The following ST8SIA1 variants were observed in gnomAD, a reference collection of about 807,000 sequenced individuals.
ST8SIA1 encodes the protein alpha-N-acetylneuraminide alpha-2,8-sialyltransferase.
Under a neutral mutation model 35.9 loss-of-function variants are expected in ST8SIA1, and 16 were observed. The observed-to-expected ratio is 0.45, with a 90% CI of 0.30 to 0.68. The LOEUF is 0.68. Among genes scored for constraint, ST8SIA1 ranks in the 30% least tolerant of loss-of-function variants. ST8SIA1 has a pLI of 0.09. For synonymous variants in ST8SIA1, 170 were observed against 169.6 expected (o/e 1.00, Z -0.02); for missense variants, 383 against 453.6 (o/e 0.84, Z 1.41).
chr12:22,327,372 T>C (rs1866695071), intron 1 of ST8SIA1, among the ~76,000 whole-genome samples: 1 of 152,206 alleles, frequency 6.6e-6, no homozygotes, highest in Non-Finnish European at 1.5e-5. Context: ...CCTTCCACAA[T>C]GTCTCCCTCA....
At chr12:22,202,708 G>C (rs1203372137) in intron 4 of ST8SIA1, among the ~76,000 whole-genome samples, 1 of 152,166 alleles carries the variant, frequency 6.6e-6, no homozygotes, top group African/African-American at 2.4e-5. Flanking sequence ...TAAATACAAT[G>C]TTGATACTTG....
At chr12:22,289,562 A>T (rs931669290) in intron 1 of ST8SIA1, among the ~76,000 whole-genome samples, 1 of 152,252 alleles carries the variant, frequency 6.6e-6, no homozygotes, top group Non-Finnish European at 1.5e-5. Context: ...TTCTCACAGT[A>T]ACCCATGAGC....
At chr12:22,272,561 C>T (rs2135807069) in intron 2 of ST8SIA1, among the ~76,000 whole-genome samples, 1 of 152,370 alleles carries the variant, frequency 6.6e-6, no homozygotes, top group South Asian at 2.1e-4. Context: ...AAGTATTTTC[C>T]TCCAGCAGCT....
chr12:22,299,763 T>C (rs1208531984), intron 1 of ST8SIA1, among the ~76,000 whole-genome samples: 1 of 152,144 alleles, frequency 6.6e-6, no homozygotes, highest in African/African-American at 2.4e-5. Context: ...TCAACTTTTA[T>C]TGCATCTGGC....
chr12:22,253,421 T>C (rs1008209339), intron 3 of ST8SIA1, among the ~76,000 whole-genome samples: 18 of 152,300 alleles, frequency 1.2e-4, no homozygotes, highest in African/African-American at 4.1e-4. Context: ...CCACTGTTCA[T>C]GACACTGCAA....
intron 2 of ST8SIA1, among the ~76,000 whole-genome samples, chr12:22,271,267 C>T (rs1029047371): frequency 3.3e-5 from 5 of 152,238 alleles, no homozygotes; most frequent in Admixed American, 1.3e-4. Context: ...ACAGGAAGCA[C>T]TGGCAACAGA....
In ST8SIA1 at chr12:22,199,186, T is replaced by C. The variant is rs1356662831; in HGVS notation, c.*2366A>G. On this transcript the variant is annotated 3_prime_UTR_variant, in exon 5 of 5. Coordinates refer to ENST00000396037, the MANE Select transcript of ST8SIA1 (RefSeq NM_003034.4). ...TTTTTTTTTTTTTGAGACAGGGTCT[T>C]GCCCTGTCACCCAGGCTGGAGTGCA... The C allele has an allele frequency of 3.3e-5, 5 of 149,358 alleles. No homozygotes were observed. Among genetic ancestry groups the C allele is most frequent in the African/African-American group, 1.2e-4 (5 of 40,878 alleles). The allele number at this position is 149,358 out of a possible 1,614,324, so 9.3% of individuals were successfully genotyped here.
At chr12:22,205,906 G>A (rs1172726004) in intron 4 of ST8SIA1, among the ~76,000 whole-genome samples, 2 of 152,030 alleles carry the variant, frequency 1.3e-5, no homozygotes, top group Admixed American at 1.3e-4. Flanking sequence ...AGTAAAAAGG[G>A]AATTACTCTG....
At chr12:22,219,306 T>C (rs552355598) in intron 4 of ST8SIA1, among the ~76,000 whole-genome samples, 2 of 152,226 alleles carry the variant, frequency 1.3e-5, no homozygotes, top group Admixed American at 1.3e-4. Context: ...ATAATCTCTT[T>C]GATTATCCTT....
chr12:22,228,775 G>A (rs1385819737), intron 4 of ST8SIA1, among the ~76,000 whole-genome samples: 1 of 152,116 alleles, frequency 6.6e-6, no homozygotes, highest in Non-Finnish European at 1.5e-5. Flanking sequence ...ATTAGTGGGG[G>A]CTGGGCAAGG....
chr12:22,250,450 A>G (rs2120754023), intron 3 of ST8SIA1, among the ~76,000 whole-genome samples: 1 of 152,340 alleles, frequency 6.6e-6, no homozygotes, highest in South Asian at 2.1e-4. Flanking sequence ...GAAAATGCCA[A>G]ATGCGCCTAT....
intron 1 of ST8SIA1, among the ~76,000 whole-genome samples, chr12:22,320,947 AAGAAAGAAAGAGAAAG>A (rs1335451269): frequency 3.2e-5 from 2 of 63,074 alleles, no homozygotes; most frequent in African/African-American, 1.4e-4. Context: ...GAAAGAAAGA[AAGAAAGAAAGAGAAAG>A]AAAGAAAGAA....
chr12:22,286,899 T>C (rs968427056), intron 2 of ST8SIA1, among the ~76,000 whole-genome samples: 3 of 152,208 alleles, frequency 2.0e-5, no homozygotes, highest in Admixed American at 1.3e-4. Flanking sequence ...TCTTGCTTCC[T>C]TCAGTCTCAT....
Position 22,326,201 on chromosome 12 carries a change from A to G in ST8SIA1, c.236+7796T>C, listed in dbSNP as rs1866677797. Reference sequence around the variant, plus strand: ...ACCACGTTCTTGTATTCATCACTGTATTGCCAGCACCTAACTGGTACATGG... The same window carrying G: ...ACCACGTTCTTGTATTCATCACTGTGTTGCCAGCACCTAACTGGTACATGG... On this transcript the variant is annotated intron_variant, in intron 1 of 4. Transcript: ENST00000396037. The G allele has an allele frequency of 1.4e-5, 4 of 289,462 alleles. No individual in the cohort carries two copies. In the South Asian group the frequency reaches 2.7e-4, roughly 19 times the overall value. The allele number at this position is 289,462 out of a possible 1,614,324, so 17.9% of individuals were successfully genotyped here.
chr12:22,322,204 G>T (rs1866610910), intron 1 of ST8SIA1, among the ~76,000 whole-genome samples: 1 of 152,182 alleles, frequency 6.6e-6, no homozygotes, highest in Non-Finnish European at 1.5e-5. Context: ...GAAAGCTAAG[G>T]CAAACCTGTG....
At chr12:22,244,132 A>G (rs1007648231) in intron 4 of ST8SIA1, among the ~76,000 whole-genome samples, 2 of 152,206 alleles carry the variant, frequency 1.3e-5, no homozygotes, top group Non-Finnish European at 2.9e-5. Context: ...AATTATGTCA[A>G]AAAAGCAAAC....
At chr12:22,225,392 T>C (rs1414901961) in intron 4 of ST8SIA1, among the ~76,000 whole-genome samples, 1 of 152,134 alleles carries the variant, frequency 6.6e-6, no homozygotes, top group Non-Finnish European at 1.5e-5. Flanking sequence ...CTAGTAGGCA[T>C]GTGAGGACCA....
At chr12:22,325,944 G>A in intron 1 of ST8SIA1, 1 of 675,244 alleles carries the variant, frequency 1.5e-6, no homozygotes, top group Non-Finnish European at 2.7e-6. Context: ...TGAACAAAGG[G>A]AAGATTCGCA....
intron 2 of ST8SIA1, among the ~76,000 whole-genome samples, chr12:22,263,229 C>A (rs758397929): frequency 1.7e-4 from 26 of 152,128 alleles, no homozygotes; most frequent in Non-Finnish European, 3.5e-4. Flanking sequence ...CTTTTGAAGA[C>A]GACAACAGGA....
Sources: allele counts gnomAD v4.1 joint callset (sites outside exome capture counted in the v4.1 genomes callset), GRCh38; gene constraint gnomAD v4.1.1; transcripts MANE v1.5; gene names NCBI Gene and HGNC (gene_info 2026-07-23, HGNC 2026-07-21).